STARD9: variants seen among roughly 807,000 people sequenced by gnomAD.
STARD9 encodes stAR-related lipid transfer protein 9.
A neutral mutation model predicts 399.8 loss-of-function variants in STARD9; 346 were observed. That is an observed-to-expected ratio of 0.87 (90% CI 0.79 to 0.95). The LOEUF (loss-of-function observed/expected upper bound fraction) is 0.95, where lower values mean the gene tolerates loss of function less well. Ranked by LOEUF, STARD9 falls within the 40% of genes least tolerant of loss-of-function variation. The pLI, the probability that STARD9 is intolerant of heterozygous loss-of-function variation, is 0.00. For synonymous variants in STARD9, 2,203 were observed against 2,143.5 expected, an observed-to-expected ratio of 1.03 and a Z score of -0.77; for missense variants, 5,832 against 5,667.5, an observed-to-expected ratio of 1.03 and a Z score of -0.93.
At chr15:42,642,429 T>G (rs912269005) in intron 7 of STARD9, among the ~76,000 whole-genome samples, 1 of 152,250 alleles carries the variant, frequency 6.6e-6, no homozygotes, top group African/African-American at 2.4e-5. Flanking sequence ...GGATCTAAAC[T>G]GATATCTAAG....
At chr15:42,604,326 G>T (rs2058688118) in intron 3 of STARD9, among the ~76,000 whole-genome samples, 1 of 152,070 alleles carries the variant, frequency 6.6e-6, no homozygotes, top group Non-Finnish European at 1.5e-5. Flanking sequence ...AGCTCATAAG[G>T]TCATATAATA....
Position 42,691,634 on chromosome 15 carries a change from A to G in STARD9, c.10056A>G (p.Thr3352=), listed in dbSNP as rs1037342459. The change falls in exon 23 of 33, where the codon ACA becomes ACG. Residue 3352 remains threonine (T), a synonymous_variant. Coordinates refer to ENST00000290607, the MANE Select transcript of STARD9 (RefSeq NM_020759.3). The stretch of plus-strand genomic sequence containing the variant: ...CTCCTTCCCCTACAGACGAAGATAC[A>G]CAGGGGCCTAACAGATTGTGGAACC... The part of the protein sequence containing the change: ...VEPPSPTDED[T]QGPNRLWNPH... 4 of 1,537,138 alleles carry G rather than the reference A, an allele frequency of 2.6e-6. No homozygotes were observed. Among genetic ancestry groups the G allele is most frequent in the Admixed American group, 3.9e-5 (2 of 50,980 alleles).
At chr15:42,616,752 G>A (rs1418393245) in intron 3 of STARD9, among the ~76,000 whole-genome samples, 1 of 151,840 alleles carries the variant, frequency 6.6e-6, no homozygotes, top group Non-Finnish European at 1.5e-5. Context: ...TTAGCTGGGT[G>A]TAGTGGCGGG....
Position 42,585,621 on chromosome 15 carries a change from A to G in STARD9, c.218A>G (p.Tyr73Cys), listed in dbSNP as rs2058260292. ...YWSVNPEDPQ[Y>C]ASQDVVFQDL... The stretch of plus-strand genomic sequence containing the variant: ...TCAGTCAACCCAGAGGATCCCCAGT[A>G]TGCATCTCAAGATGTGGTAATATCA... The change falls in exon 3 of 33, where the codon TAT becomes TGT. Residue 73 changes from tyrosine to cysteine, a missense_variant. This residue lies in a region of STARD9 where 5,828 missense variants were observed against 5,651.1 expected (regional missense o/e 1.03). Transcript: ENST00000290607. The G allele has an allele frequency of 2.0e-6, 3 of 1,532,646 alleles. No individual in the cohort carries two copies. Among genetic ancestry groups the G allele is most frequent in the South Asian group, 1.2e-5 (1 of 83,912 alleles). The allele number at this position is 1,532,646 out of a possible 1,614,324, so 94.9% of individuals were successfully genotyped here.
intron 1 of STARD9, among the ~76,000 whole-genome samples, chr15:42,579,442 G>A (rs751302053): frequency 6.8e-4 from 104 of 152,266 alleles, no homozygotes; most frequent in Non-Finnish European, 1.2e-3. Flanking sequence ...CTAAAAATAG[G>A]TCTGTAGTCA....
At chr15:42,603,681 G>T (rs1224078755) in intron 3 of STARD9, among the ~76,000 whole-genome samples, 1 of 152,128 alleles carries the variant, frequency 6.6e-6, no homozygotes, top group African/African-American at 2.4e-5. Flanking sequence ...GCTAGGGAAT[G>T]GGGAATATTG....
At chr15:42,703,175 G>T (rs2061002945) in intron 26 of STARD9, among the ~76,000 whole-genome samples, 1 of 152,030 alleles carries the variant, frequency 6.6e-6, no homozygotes, top group Admixed American at 6.6e-5. Context: ...ATATGCCGTG[G>T]AGTAGTCTTA....
intron 26 of STARD9, among the ~76,000 whole-genome samples, chr15:42,709,358 T>C (rs1439168088): frequency 1.3e-5 from 2 of 152,028 alleles, no homozygotes; most frequent in African/African-American, 4.8e-5. Context: ...GATTACATCA[T>C]TGGCCTTGGA....
Position 42,638,812 on chromosome 15 carries a change from G to A in STARD9, c.559G>A (p.Gly187Ser), listed in dbSNP as rs1272828941. The change falls in exon 7 of 33, where the codon GGT becomes AGT. Residue 187 changes from glycine (G) to serine (S), a missense_variant and splice_region_variant. Physicochemically the swap from Gly to Ser is moderately conservative, Grantham distance 56 (BLOSUM62 0). Around this residue, in one of 2 missense-constraint regions of STARD9, gnomAD observed 5,828 missense variants for 5,651.1 expected, o/e 1.03. Transcript: ENST00000290607. The stretch of plus-strand genomic sequence containing the variant: ...TCCAGAGATGGGGCCCTATGTACAA[G>A]GTGAGCTACTGTGGTCCTGGAGATC... ...EHPEMGPYVQGLSQHVVTNYK... is the reference protein window; with the variant it reads ...EHPEMGPYVQSLSQHVVTNYK... The A allele has an allele frequency of 2.0e-6, 3 of 1,518,120 alleles. No homozygotes were observed. The highest frequency in any genetic ancestry group is 1.2e-5 in the South Asian group (1 of 82,212). 94.0% of individuals were successfully genotyped at this position (1,518,120 alleles called of 1,614,324 possible). A position where few individuals can be genotyped will look rare whatever the true frequency, so the allele number is the denominator to read the frequency against.
At chr15:42,648,855 T>C (rs2059699153) in intron 7 of STARD9, among the ~76,000 whole-genome samples, 1 of 152,160 alleles carries the variant, frequency 6.6e-6, no homozygotes, top group African/African-American at 2.4e-5. Context: ...TGTTAAGGCC[T>C]ATTGCCTGTA....
chr15:42,669,261 T>C lies in STARD9; in HGVS notation c.1421T>C (p.Ile474Thr), dbSNP rs1457391327. Reference sequence around the variant, plus strand: ...AACAGGAGGAGGGCTGGGGTGGTCATCGACTCCAGCCTGCCACACTTGATG... The same window carrying C: ...AACAGGAGGAGGGCTGGGGTGGTCACCGACTCCAGCCTGCCACACTTGATG... ...DINRRRAGVV[I>T]DSSLPHLMAL... The change falls in exon 16 of 33, where the codon ATC (isoleucine) becomes ACC (threonine). Residue 474 changes from isoleucine to threonine, a missense_variant. Physicochemically the swap from Ile to Thr is moderately conservative, Grantham distance 89. Transcript: ENST00000290607. 6.5e-7 allele frequency: 1 copy of C among 1,537,082 alleles called. No individual in the cohort carries two copies. Among genetic ancestry groups the C allele is most frequent in the Non-Finnish European group, 8.7e-7 (1 of 1,146,746 alleles).
At chr15:42,714,506 A>G (rs1025860131) in intron 26 of STARD9, among the ~76,000 whole-genome samples, 2 of 152,190 alleles carry the variant, frequency 1.3e-5, no homozygotes, top group Non-Finnish European at 2.9e-5. Context: ...AAAGCTAAAA[A>G]TTTCCCTCTG....
At chr15:42,606,980 C>G (rs542651191) in intron 3 of STARD9, among the ~76,000 whole-genome samples, 3 of 152,090 alleles carry the variant, frequency 2.0e-5, no homozygotes, top group African/African-American at 7.2e-5. Context: ...CAAGGTCTCA[C>G]TCTGTCTCCC....
chr15:42,666,172 A>G (rs1211947480), intron 15 of STARD9, among the ~76,000 whole-genome samples: 1 of 152,236 alleles, frequency 6.6e-6, no homozygotes, highest in Non-Finnish European at 1.5e-5. Context: ...GGTGCTCAGC[A>G]TGATGCTGCA....
At chr15:42,621,048 G>C (rs2059082627) in intron 3 of STARD9, among the ~76,000 whole-genome samples, 2 of 152,092 alleles carry the variant, frequency 1.3e-5, no homozygotes, top group South Asian at 4.2e-4. Flanking sequence ...GCCACCACCT[G>C]GTATACATGT....
intron 20 of STARD9, among the ~76,000 whole-genome samples, chr15:42,677,779 G>A (rs1455853400): frequency 6.6e-6 from 1 of 152,162 alleles, no homozygotes; most frequent in Admixed American, 6.5e-5. Flanking sequence ...GATTGAAAGA[G>A]CGAGTATATA....
At chr15:42,583,474 G>T in intron 2 of STARD9, 59 bp downstream of exon 2, 1 of 1,271,214 alleles carries the variant, frequency 7.9e-7, no homozygotes, top group Non-Finnish European at 1.1e-6. Context: ...TGTTACAGGG[G>T]CTTCCAGGCT....
intron 15 of STARD9, among the ~76,000 whole-genome samples, chr15:42,666,723 C>G (rs948860283): frequency 6.6e-6 from 1 of 152,082 alleles, no homozygotes; most frequent in African/African-American, 2.4e-5. Flanking sequence ...AGGGGACTAA[C>G]CAGGAAAGAG....
chr15:42,614,410 G>A (rs1294399379), intron 3 of STARD9, among the ~76,000 whole-genome samples: 1 of 152,050 alleles, frequency 6.6e-6, no homozygotes, highest in Non-Finnish European at 1.5e-5. Flanking sequence ...GAGCAAAACC[G>A]AATGGCCCAA....
Sources: gnomAD v4.1 joint callset for allele counts (sites outside exome capture counted in the v4.1 genomes callset) on GRCh38, gnomAD v4.1.1 for gene constraint, gnomAD v4.1.1 regional missense constraint, MANE v1.5 for transcripts, NCBI Gene and HGNC (gene_info 2026-07-23, HGNC 2026-07-21) for gene names.